Variants in SLC4A4 observed in about 807,000 individuals in gnomAD.
The protein encoded by SLC4A4 is electrogenic sodium bicarbonate cotransporter 1.
In SLC4A4, 27 loss-of-function variants were observed where a neutral mutation model predicts 111.5. The observed-to-expected ratio is 0.24, with a 90% CI of 0.18 to 0.33. SLC4A4 has a LOEUF of 0.33. Ranked by LOEUF, SLC4A4 falls within the 10% of genes least tolerant of loss-of-function variation. The probability of loss-of-function intolerance (pLI) is 1.00; values close to 1 mark genes in which losing one functional copy is unlikely to be tolerated. For missense variants in SLC4A4, 909 were observed against 1,315.5 expected, an observed-to-expected ratio of 0.69 and a Z score of 4.78; for synonymous variants, 443 against 463.4, an observed-to-expected ratio of 0.96 and a Z score of 0.57.
At chr4:71,314,380 C>T (rs1242819903) in intron 3 of SLC4A4, among the ~76,000 whole-genome samples, 1 of 152,036 alleles carries the variant, frequency 6.6e-6, no homozygotes, top group Non-Finnish European at 1.5e-5. Context: ...GGATCTAGAA[C>T]CAGAAATAAC....
intron 3 of SLC4A4, among the ~76,000 whole-genome samples, chr4:71,278,586 C>T (rs1723255533): frequency 6.6e-6 from 1 of 152,142 alleles, no homozygotes; most frequent in Non-Finnish European, 1.5e-5. Flanking sequence ...GTTCCCTTTG[C>T]TTCATATCAA....
At chr4:71,274,635 G>C (rs1323175877) in intron 3 of SLC4A4, among the ~76,000 whole-genome samples, 1 of 152,074 alleles carries the variant, frequency 6.6e-6, no homozygotes, top group Admixed American at 6.6e-5. Flanking sequence ...TTCATCCTGA[G>C]AGAGATGAGG....
At chr4:71,133,521 G>A (rs1474014619) in intron 2 of SLC4A4, among the ~76,000 whole-genome samples, 1 of 152,194 alleles carries the variant, frequency 6.6e-6, no homozygotes, top group Non-Finnish European at 1.5e-5. Context: ...GCCAGCGTGG[G>A]CTTCCTTACA....
intron 3 of SLC4A4, among the ~76,000 whole-genome samples, chr4:71,328,347 A>C (rs556148255): frequency 1.1e-4 from 16 of 152,246 alleles, no homozygotes; most frequent in Admixed American, 3.3e-4. Context: ...GCATATACCT[A>C]GCGGTGGGAT....
At chr4:71,233,905 G>A (rs1185060764) in intron 1 of SLC4A4, among the ~76,000 whole-genome samples, 3 of 152,038 alleles carry the variant, frequency 2.0e-5, no homozygotes, top group East Asian at 1.9e-4. Flanking sequence ...ATTGGCTCCC[G>A]TAACACCTAA....
intron 3 of SLC4A4, among the ~76,000 whole-genome samples, chr4:71,293,303 C>T (rs1724525372): frequency 1.3e-5 from 2 of 151,498 alleles, no homozygotes; most frequent in African/African-American, 4.8e-5. Flanking sequence ...GTGGCTCACG[C>T]CTGTAATCCC....
At chr4:71,353,914 C>T (rs781601391) in intron 5 of SLC4A4, among the ~76,000 whole-genome samples, 11 of 152,154 alleles carry the variant, frequency 7.2e-5, no homozygotes, top group Non-Finnish European at 1.0e-4. Flanking sequence ...CCATGATGCG[C>T]GACTGTTTAA....
At chr4:71,229,891 C>T (rs1015564722) in intron 1 of SLC4A4, among the ~76,000 whole-genome samples, 2 of 143,088 alleles carry the variant, frequency 1.4e-5, no homozygotes, top group African/African-American at 5.2e-5. Flanking sequence ...CCCTTTGGTT[C>T]CCTGTAGTGA....
intron 2 of SLC4A4, among the ~76,000 whole-genome samples, chr4:71,161,286 G>A (rs1744610733): frequency 6.6e-6 from 1 of 152,128 alleles, no homozygotes; most frequent in Admixed American, 6.5e-5. Flanking sequence ...AAGTTGTCAG[G>A]TAGCAATATG....
intron 7 of SLC4A4, among the ~76,000 whole-genome samples, chr4:71,438,388 A>G (rs974734597): frequency 6.6e-6 from 1 of 152,196 alleles, no homozygotes; most frequent in Admixed American, 6.5e-5. Context: ...TCAATATTAC[A>G]ATGTGATAAT....
intron 2 of SLC4A4, among the ~76,000 whole-genome samples, chr4:71,242,652 C>T (rs1720333160): frequency 6.6e-6 from 1 of 151,690 alleles, no homozygotes; most frequent in African/African-American, 2.4e-5. Context: ...TACAGCCTCA[C>T]CAATAATTTT....
At chr4:71,518,320 TC>T (rs1169378136) in intron 16 of SLC4A4, among the ~76,000 whole-genome samples, 3 of 151,980 alleles carry the variant, frequency 2.0e-5, no homozygotes, top group Non-Finnish European at 4.4e-5. Context: ...TGGGCCTGGA[TC>T]CTAGATCTGC....
At chr4:71,286,498 G>A (rs1051035397) in intron 3 of SLC4A4, among the ~76,000 whole-genome samples, 18 of 152,130 alleles carry the variant, frequency 1.2e-4, no homozygotes, top group Non-Finnish European at 2.2e-4. Flanking sequence ...GTCTCTTCTT[G>A]GGCTGTGTTG....
At chr4:71,165,870 G>A in intron 2 of SLC4A4, among the ~76,000 whole-genome samples, 1 of 151,606 alleles carries the variant, frequency 6.6e-6, no homozygotes, top group East Asian at 1.9e-4. Flanking sequence ...TTTACTTTTT[G>A]GAAAGAAATG....
chr4:71,325,360 C>A (rs1727425952), intron 3 of SLC4A4, among the ~76,000 whole-genome samples: 1 of 151,974 alleles, frequency 6.6e-6, no homozygotes, highest in Non-Finnish European at 1.5e-5. Context: ...CTGTTGGTTG[C>A]AAATGGCAGA....
At chr4:71,091,570 T>C (rs1742389980) in intron 1 of SLC4A4, among the ~76,000 whole-genome samples, 1 of 152,058 alleles carries the variant, frequency 6.6e-6, no homozygotes, top group South Asian at 2.1e-4. Flanking sequence ...GAAATATTTT[T>C]AGATTAATCC....
intron 2 of SLC4A4, among the ~76,000 whole-genome samples, chr4:71,155,688 T>G (rs919196419): frequency 6.6e-6 from 1 of 152,130 alleles, no homozygotes; most frequent in African/African-American, 2.4e-5. Context: ...GGTCTTGAAC[T>G]CCCATGTTCA....
chr4:71,249,871 G>T (rs1172947553), intron 2 of SLC4A4, among the ~76,000 whole-genome samples: 2 of 134,970 alleles, frequency 1.5e-5, no homozygotes, highest in Non-Finnish European at 3.3e-5. Context: ...GCAACAGAGC[G>T]AGACTCTGTC....
chr4:71,094,350 T>C (rs1036782840), intron 2 of SLC4A4, among the ~76,000 whole-genome samples: 13 of 152,314 alleles, frequency 8.5e-5, no homozygotes, highest in African/African-American at 3.1e-4. Context: ...TCTAAGAGCT[T>C]CTCCAGAGTA....
Sources: gnomAD v4.1 joint callset for allele counts (sites outside exome capture counted in the v4.1 genomes callset) on GRCh38, gnomAD v4.1.1 for gene constraint, MANE v1.5 for transcripts, NCBI Gene and HGNC (gene_info 2026-07-23, HGNC 2026-07-21) for gene names.